Variants in SELP observed in about 807,000 individuals in gnomAD.
The protein encoded by SELP is P-selectin.
SELP carries 92 observed loss-of-function variants against 104.1 expected under a neutral mutation model. The observed-to-expected ratio is 0.88, with a 90% CI of 0.75 to 1.05. The LOEUF is 1.05. Among genes scored for constraint, SELP ranks in the 50% least tolerant of loss-of-function variants. SELP has a pLI of 0.00. For missense variants in SELP, 1,022 were observed against 1,017.3 expected (o/e 1.00, Z -0.06); for synonymous variants, 397 against 364.5 (o/e 1.09, Z -1.01).
rs1181411758 is a variant in SELP, at chr1:169,595,932, T to C, written c.2094A>G (p.Ala698=). ...PSGQWTAVTP[A]CRAVKCSELH... ...TGCTCCTTTTCACCTTACCTCTGCA[T>C]GCTGGAGTTACTGCTGTCCATTGTC... Residue 698 remains alanine (A), a synonymous_variant, in exon 12 of 17, where the codon GCA becomes GCG. Coordinates refer to ENST00000263686, the MANE Select transcript of SELP (RefSeq NM_003005.4). 1 of 1,613,386 alleles carries C rather than the reference T, an allele frequency of 6.2e-7. No homozygotes were observed. The highest frequency in any genetic ancestry group is 2.2e-5 in the East Asian group (1 of 44,896).
chr1:169,629,505 T>G (rs1663532765), intron 1 of SELP, among the ~76,000 whole-genome samples: 1 of 152,140 alleles, frequency 6.6e-6, no homozygotes, highest in South Asian at 2.1e-4. Context: ...CAAGATTGAG[T>G]CTTAGGGCAG....
intron 12 of SELP, 75 bp from the exon 13 acceptor site, chr1:169,594,952 C>A: frequency 7.5e-7 from 1 of 1,331,926 alleles, no homozygotes; most frequent in Non-Finnish European, 1.0e-6. Context: ...CTTTTGTAAC[C>A]TAACATTGCC....
Position 169,613,611 on chromosome 1 carries a change from TC to T in SELP, c.563del (p.Gly188AspfsTer10). ...CGTATTCACATTCTGGCCCATAGAA[TC>T]CAGGGTAACAGGAGCAGGTGTAGTT... ...IGNYTCSCYP[G>X]FYGPECEYVR... On this transcript the variant is annotated frameshift_variant, in exon 4 of 17. Coordinates refer to ENST00000263686, the MANE Select transcript of SELP (RefSeq NM_003005.4). LOFTEE classifies it high-confidence loss of function. The T allele has an allele frequency of 6.2e-7, 1 of 1,613,930 alleles. No individual in the cohort carries two copies. The highest frequency in any genetic ancestry group is 1.1e-5 in the South Asian group (1 of 91,084).
chr1:169,606,172 C>G (rs1662183369), intron 9 of SELP, among the ~76,000 whole-genome samples: 1 of 152,136 alleles, frequency 6.6e-6, no homozygotes, highest in Admixed American at 6.5e-5. Flanking sequence ...CAAAAATTAG[C>G]TGGGTGCAGT....
Position 169,593,590 on chromosome 1 carries a change from C to T in SELP, c.2407+15G>A, listed in dbSNP as rs781776403. 1 of 1,610,524 alleles carries T rather than the reference C, an allele frequency of 6.2e-7. No individual in the cohort carries two copies. Among genetic ancestry groups the T allele is most frequent in the Non-Finnish European group, 8.5e-7 (1 of 1,177,806 alleles). ...ATGTAACCAAGATGCAAAGAGAAGA[C>T]TCTTTCCTATTTACCTTTTTGTCTG... On this transcript the variant is annotated intron_variant, in intron 14 of 16. Coordinates refer to ENST00000263686, the MANE Select transcript of SELP (RefSeq NM_003005.4).
At chr1:169,599,211 A>G (rs1396305408) in intron 10 of SELP, among the ~76,000 whole-genome samples, 2 of 152,180 alleles carry the variant, frequency 1.3e-5, no homozygotes, top group Non-Finnish European at 2.9e-5. Context: ...CTCAGCAAAC[A>G]TGGGATGAAT....
chr1:169,613,362 C>T (rs1262564622), intron 4 of SELP, among the ~76,000 whole-genome samples: 2 of 152,162 alleles, frequency 1.3e-5, no homozygotes, highest in Non-Finnish European at 2.9e-5. Context: ...CTTCCTTTCC[C>T]TTTCCCTTTT....
At position 169,589,289 on chromosome 1, in the gene SELP, G is replaced by A. The variant is rs1661232153; in HGVS notation, c.*174C>T. ...CATTTGCTCCTGGCTTCTGTGGCTT[G>A]TGTTACAGGAAGAGAAGAGGTGGGA... On this transcript the variant is annotated 3_prime_UTR_variant, in exon 17 of 17. Transcript: ENST00000263686. The A allele has an allele frequency of 6.6e-6, 1 of 152,234 alleles. No homozygotes were observed. Among genetic ancestry groups the A allele is most frequent in the African/African-American group, 2.4e-5 (1 of 41,424 alleles). The allele number at this position is 152,234 out of a possible 1,614,324, so 9.4% of individuals were successfully genotyped here. A position where few individuals can be genotyped will look rare whatever the true frequency, so the allele number is the denominator to read the frequency against.
At chr1:169,591,276 G>C (rs1253815836) in intron 15 of SELP, 150 bp downstream of exon 15, 1 of 493,434 alleles carries the variant, frequency 2.0e-6, no homozygotes, top group Non-Finnish European at 3.7e-6. Context: ...TTTGTTATCT[G>C]TGTATTTTAC....
Position 169,603,125 on chromosome 1 carries a change from A to T in SELP, c.1606T>A (p.Cys536Ser). The change falls in exon 10 of 17, where the codon TGT becomes AGT. Residue 536 changes from cysteine to serine, a missense_variant. Coordinates refer to ENST00000263686, the MANE Select transcript of SELP (RefSeq NM_003005.4). ...PLGSSSYKST[C>S]QFICDEGYSL... ...TATCCCTCGTCACAGATGAATTGAC[A>T]TGTGGATTTATAACTGGAACTTCCA... is the stretch of plus-strand genomic sequence containing the variant. 1 of 1,614,080 alleles carries T rather than the reference A, an allele frequency of 6.2e-7. No individual in the cohort carries two copies.
chr1:169,607,241 G>A, intron 8 of SELP, 107 bp from the exon 9 acceptor site: 1 of 906,704 alleles, frequency 1.1e-6, no homozygotes, highest in Admixed American at 3.8e-5. Flanking sequence ...CCTGAATTGG[G>A]CTTGTTTAAC....
Position 169,609,526 on chromosome 1 carries a change from T to C in SELP, c.1311A>G (p.Thr437=). ...IVRCDNLGQW[T]APAPVCQALQ... The stretch of plus-strand genomic sequence containing the variant: ...TACCTTGACAGACTGGGGCTGGTGC[T>C]GTCCACTGTCCCAAGTTATCACACC... Residue 437 remains threonine (T), a synonymous_variant, in exon 8 of 17, where the codon ACA becomes ACG. Coordinates refer to ENST00000263686, the MANE Select transcript of SELP (RefSeq NM_003005.4). 6.2e-7 allele frequency: 1 copy of C among 1,613,740 alleles called. No individual in the cohort carries two copies.
intron 7 of SELP, among the ~76,000 whole-genome samples, chr1:169,610,815 CAAAA>C (rs764687331): frequency 5.8e-5 from 8 of 138,780 alleles, no homozygotes; most frequent in Non-Finnish European, 9.3e-5. Context: ...AACAAACAAA[CAAAA>C]ACACCAAAAT....
At chr1:169,627,971 C>T (rs1283567633) in intron 1 of SELP, among the ~76,000 whole-genome samples, 2 of 152,210 alleles carry the variant, frequency 1.3e-5, no homozygotes, top group African/African-American at 2.4e-5. Context: ...TCTCAACTCA[C>T]TGCCACCTCC....
Position 169,613,695 on chromosome 1 carries a change from T to A in SELP, c.482-2A>T, listed in dbSNP as rs748121260. The A allele has an allele frequency of 1.2e-6, 2 of 1,612,976 alleles. No individual in the cohort carries two copies. The highest frequency in any genetic ancestry group is 1.7e-6 in the Non-Finnish European group (2 of 1,179,018). ...TGCAGGACATGTCCTGGCAGGAGGC[T>A]GCATAGATATGGAAAGGTCAGAGTC... On this transcript the variant is annotated splice_acceptor_variant, in intron 3 of 16. Coordinates refer to ENST00000263686, the MANE Select transcript of SELP (RefSeq NM_003005.4). LOFTEE classifies it high-confidence loss of function.
At position 169,603,016 on chromosome 1, in the gene SELP, C is replaced by T; in HGVS notation, c.1705+10G>A. 6.2e-7 allele frequency: 1 copy of T among 1,605,176 alleles called. No individual in the cohort carries two copies. Among genetic ancestry groups the T allele is most frequent in the Non-Finnish European group, 8.5e-7 (1 of 1,173,432 alleles). Reference sequence around the variant, plus strand: ...TTAAAGCCATAAGAAAGGACAGACCCACAGCCTACCTTCACACATTGGTGG... The same window carrying T: ...TTAAAGCCATAAGAAAGGACAGACCTACAGCCTACCTTCACACATTGGTGG... On this transcript the variant is annotated intron_variant, in intron 10 of 16. Coordinates refer to ENST00000263686, the MANE Select transcript of SELP (RefSeq NM_003005.4).
At chr1:169,611,279 A>T (rs536330149) in intron 7 of SELP, among the ~76,000 whole-genome samples, 2 of 152,234 alleles carry the variant, frequency 1.3e-5, no homozygotes, top group African/African-American at 4.8e-5. Flanking sequence ...ATGCTATTTA[A>T]TTGTATACTT....
chr1:169,619,926 G>T (rs188654692), intron 1 of SELP, among the ~76,000 whole-genome samples: 139 of 152,212 alleles, frequency 9.1e-4, no homozygotes, highest in African/African-American at 3.1e-3. Context: ...TTTGGGGCCA[G>T]GCACAGTGGC....
At chr1:169,600,533 G>A (rs776220708) in intron 10 of SELP, among the ~76,000 whole-genome samples, 2 of 152,108 alleles carry the variant, frequency 1.3e-5, no homozygotes, top group African/African-American at 2.4e-5. Flanking sequence ...CCAGGGAACC[G>A]GCATTCTAAC....
Sources: allele counts gnomAD v4.1 joint callset (sites outside exome capture counted in the v4.1 genomes callset), GRCh38; gene constraint gnomAD v4.1.1; transcripts MANE v1.5; gene names NCBI Gene and HGNC (gene_info 2026-07-23, HGNC 2026-07-21).